The following NABP1 variants were observed in gnomAD, a reference collection of about 807,000 sequenced individuals.
The protein encoded by NABP1 is nucleic acid binding protein 1, also known as SOSS complex subunit B2.
In NABP1, 18 loss-of-function variants were observed where a neutral mutation model predicts 25.0. That is an observed-to-expected ratio of 0.72 (90% CI 0.50 to 1.07). The LOEUF (loss-of-function observed/expected upper bound fraction) is 1.07. NABP1 is among the 50% of genes least tolerant of loss of function. The pLI, the probability that NABP1 is intolerant of heterozygous loss-of-function variation, is 0.00. For synonymous variants in NABP1, 71 were observed against 85.0 expected, an observed-to-expected ratio of 0.84 and a Z score of 0.91; for missense variants, 270 against 255.6, an observed-to-expected ratio of 1.06 and a Z score of -0.39.
At chr2:191,679,534 G>A (rs546507521) in intron 2 of NABP1, among the ~76,000 whole-genome samples, 3 of 152,208 alleles carry the variant, frequency 2.0e-5, no homozygotes, top group East Asian at 1.9e-4. Flanking sequence ...GTGCCACCAC[G>A]CCCAGCTAAG....
intron 1 of NABP1, 100 bp downstream of exon 1, chr2:191,678,805 C>G (rs76328610): frequency 9.1e-6 from 11 of 1,208,222 alleles, no homozygotes; most frequent in East Asian, 4.7e-5. Flanking sequence ...CTCCTCCTCC[C>G]TCCCCTCCCC....
In NABP1 at chr2:191,685,813, C is replaced by T. The variant is rs776601448; in HGVS notation, c.*45C>T. 1.3e-6 allele frequency: 2 copies of T among 1,553,480 alleles called. No homozygotes were observed. ...TGTAGTTTTTATACTACATGCCCTA[C>T]TTGAACACTTATTGCACTTTTATTT... On this transcript the variant is annotated 3_prime_UTR_variant, in exon 6 of 6. Coordinates refer to ENST00000425611, the MANE Select transcript of NABP1 (RefSeq NM_001031716.5).
At position 191,685,832 on chromosome 2, in the gene NABP1, T is replaced by C; in HGVS notation, c.*64T>C. On this transcript the variant is annotated 3_prime_UTR_variant, in exon 6 of 6. Coordinates refer to ENST00000425611, the MANE Select transcript of NABP1 (RefSeq NM_001031716.5). ...GCCCTACTTGAACACTTATTGCACT[T>C]TTATTTATTGTTAACTGTGAAAAGT... 6.8e-7 allele frequency: 1 copy of C among 1,464,254 alleles called. No homozygotes were observed. Among genetic ancestry groups the C allele is most frequent in the Admixed American group, 1.9e-5 (1 of 51,432 alleles). 90.7% of individuals were successfully genotyped at this position (1,464,254 alleles called of 1,614,324 possible).
At position 191,683,576 on chromosome 2, in the gene NABP1, T is replaced by C. The variant is rs1468936227; in HGVS notation, c.303-153T>C. On this transcript the variant is annotated intron_variant, in intron 3 of 5. Coordinates refer to ENST00000425611, the MANE Select transcript of NABP1 (RefSeq NM_001031716.5). The surrounding 1 kb of genome is among the most constrained non-coding windows in gnomAD (Gnocchi z 4.1). ...TTTGATGTTTTATGGGACATAATCA[T>C]TTGGGAAGTTTTTGTTGTAAATGAA... 1 of 605,328 alleles carries C rather than the reference T, an allele frequency of 1.7e-6. No homozygotes were observed. Among genetic ancestry groups the C allele is most frequent in the Non-Finnish European group, 2.9e-6 (1 of 346,368 alleles). The allele number at this position is 605,328 out of a possible 1,614,324, so 37.5% of individuals were successfully genotyped here.
Position 191,685,922 on chromosome 2 carries a change from C to A in NABP1, c.*154C>A, listed in dbSNP as rs1252078704. The A allele has an allele frequency of 1.2e-5, 8 of 669,902 alleles. No homozygotes were observed. The highest frequency in any genetic ancestry group is 1.7e-5 in the Non-Finnish European group (7 of 416,910). 41.5% of individuals were successfully genotyped at this position (669,902 alleles called of 1,614,324 possible). On this transcript the variant is annotated 3_prime_UTR_variant, in exon 6 of 6. Transcript: ENST00000425611. ...TAAGAAGAATGGTTTGTTTTTATAGCAAAACTGTTAAGCTGCTCGAGTCTC... is the reference window on the plus strand; with the variant it reads ...TAAGAAGAATGGTTTGTTTTTATAGAAAAACTGTTAAGCTGCTCGAGTCTC...
chr2:191,679,103 G>T lies in NABP1; in HGVS notation c.205G>T (p.Gly69Trp). The T allele has an allele frequency of 6.2e-7, 1 of 1,614,192 alleles. No homozygotes were observed. The highest frequency in any genetic ancestry group is 8.5e-7 in the Non-Finnish European group (1 of 1,180,014). ...WDEIGGLIQP[G>W]DIIRLTRGYA... ...TGAGATCGGAGGTCTTATACAGCCAGGGGATATTATTCGGTTGACCAGAGG... is the reference window on the plus strand; with the variant it reads ...TGAGATCGGAGGTCTTATACAGCCATGGGATATTATTCGGTTGACCAGAGG... Residue 69 changes from glycine (G) to tryptophan (W), a missense_variant, in exon 2 of 6, where the codon GGG (glycine) becomes TGG (tryptophan). Coordinates refer to ENST00000425611, the MANE Select transcript of NABP1 (RefSeq NM_001031716.5).
chr2:191,685,706 A>AT lies in NABP1; in HGVS notation c.553_554insT (p.Asn185IlefsTer10). On this transcript the variant is annotated frameshift_variant, in exon 6 of 6. Coordinates refer to ENST00000425611, the MANE Select transcript of NABP1 (RefSeq NM_001031716.5). LOFTEE classifies it high-confidence loss of function. ...TCCACAACTACAAGGAACAGCTAGT[A>AT]ATCAAACAGTGATGACCACAATAAG... The AT allele has an allele frequency of 6.2e-7, 1 of 1,614,164 alleles. No homozygotes were observed. Among genetic ancestry groups the AT allele is most frequent in the Non-Finnish European group, 8.5e-7 (1 of 1,179,994 alleles).
At chr2:191,682,051 A>G (rs375271534) in intron 3 of NABP1, 34 bp downstream of exon 3, 3 of 1,208,388 alleles carry the variant, frequency 2.5e-6, no homozygotes, top group African/African-American at 3.2e-5. Flanking sequence ...ATAATTGCAT[A>G]TATTATAAAT....
rs1687833110 is a variant in NABP1 at position 191,686,722 on chromosome 2, G to C, written c.*954G>C. 2 of 152,412 alleles carry C rather than the reference G, an allele frequency of 1.3e-5. No individual in the cohort carries two copies. Among genetic ancestry groups the C allele is most frequent in the African/African-American group, 4.8e-5 (2 of 41,436 alleles). The allele number at this position is 152,412 out of a possible 1,614,324, so 9.4% of individuals were successfully genotyped here. ...AGGAGTGAGTGTGCATGTTGTCAAAGTTTCTGAACACAGTTCACATAGCCT... is the reference window on the plus strand; with the variant it reads ...AGGAGTGAGTGTGCATGTTGTCAAACTTTCTGAACACAGTTCACATAGCCT... On this transcript the variant is annotated 3_prime_UTR_variant, in exon 6 of 6. Coordinates refer to ENST00000425611, the MANE Select transcript of NABP1 (RefSeq NM_001031716.5).
intron 3 of NABP1, chr2:191,682,343 T>C (rs1687709106): frequency 2.8e-6 from 1 of 356,014 alleles, no homozygotes; most frequent in Non-Finnish European, 5.5e-6. Context: ...GATTCTCTTT[T>C]GTAGTGATTC....
intron 2 of NABP1, 62 bp from the exon 3 acceptor site, chr2:191,681,884 C>G (rs1470717073): frequency 3.5e-6 from 4 of 1,147,090 alleles, no homozygotes; most frequent in Non-Finnish European, 4.7e-6. Flanking sequence ...TGAAGATTTA[C>G]TTGATTTAAA....
rs530687018 is a variant in NABP1 at position 191,682,070 on chromosome 2, C to T, written c.302+53C>T. ...TTGCATATATTATAAATAATATCTA[C>T]GGAATGATTGGTAGGTATGAATTGT... On this transcript the variant is annotated intron_variant, in intron 3 of 5. Transcript: ENST00000425611. The T allele has an allele frequency of 6.5e-5, 72 of 1,103,912 alleles. No homozygotes were observed. The South Asian group carries it at 7.5e-4, about 12-fold the overall frequency. The allele number at this position is 1,103,912 out of a possible 1,614,324, so 68.4% of individuals were successfully genotyped here. A position where few individuals can be genotyped will look rare whatever the true frequency, so the allele number is the denominator to read the frequency against.
chr2:191,679,026 G>C lies in NABP1; in HGVS notation c.128G>C (p.Arg43Thr), dbSNP rs1340438117. The C allele has an allele frequency of 1.9e-6, 3 of 1,614,226 alleles. No individual in the cohort carries two copies. Among genetic ancestry groups the C allele is most frequent in the Non-Finnish European group, 2.5e-6 (3 of 1,180,038 alleles). Residue 43 changes from arginine (R) to threonine (T), a missense_variant, in exon 2 of 6, where the codon AGA becomes ACA. Transcript: ENST00000425611. ...AAAACCAAAGACGGCCATGAAGTGA[G>C]ATCGTGCAAAGTAGCAGATAAAACG... ...VTKTKDGHEV[R>T]SCKVADKTGS... is the part of the protein sequence containing the mutation.
At chr2:191,684,332 G>T in intron 5 of NABP1, 36 bp downstream of exon 5, 1 of 1,409,642 alleles carries the variant, frequency 7.1e-7, no homozygotes, top group Non-Finnish European at 9.5e-7. Flanking sequence ...TTGTGATCAG[G>T]TATAAGAATG....
At chr2:191,684,848 G>A (rs1687775734) in intron 5 of NABP1, 2 of 152,476 alleles carry the variant, frequency 1.3e-5, no homozygotes, top group South Asian at 2.1e-4. Flanking sequence ...GATGGCTCAT[G>A]TTTTGGTTTT....
intron 3 of NABP1, chr2:191,682,513 C>T (rs777925523): frequency 2.5e-5 from 12 of 470,938 alleles, no homozygotes; most frequent in South Asian, 1.1e-4. Flanking sequence ...TGCAGGCAGC[C>T]GCAATGCGAG....
chr2:191,684,133 C>T lies in NABP1; in HGVS notation c.379-97C>T, dbSNP rs976318377. On this transcript the variant is annotated intron_variant, in intron 4 of 5. Transcript: ENST00000425611. ...TGTTAATTAAAAAAAAAAAAAAAGC[C>T]AAACCCAAAACTTTAAAAAAGAAAG... 2.6e-5 allele frequency: 18 copies of T among 703,196 alleles called. No homozygotes were observed. In the East Asian group the frequency reaches 5.9e-4, roughly 23 times the overall value. 43.6% of individuals were successfully genotyped at this position (703,196 alleles called of 1,614,324 possible).
chr2:191,679,341 C>G (rs1687606329), intron 2 of NABP1, among the ~76,000 whole-genome samples: 1 of 152,098 alleles, frequency 6.6e-6, no homozygotes, highest in African/African-American at 2.4e-5. Flanking sequence ...CTGGGAAATC[C>G]GCGCCTCTAC....
At chr2:191,681,355 G>A (rs530839782) in intron 2 of NABP1, among the ~76,000 whole-genome samples, 10 of 152,068 alleles carry the variant, frequency 6.6e-5, no homozygotes, top group Admixed American at 5.2e-4. Context: ...AAAATTGTTC[G>A]GAGTAAACAT....
Sources: allele counts gnomAD v4.1 joint callset (sites outside exome capture counted in the v4.1 genomes callset), GRCh38; gene constraint gnomAD v4.1.1; non-coding constraint Gnocchi (gnomAD v3.1); transcripts MANE v1.5; gene names NCBI Gene and HGNC (gene_info 2026-07-23, HGNC 2026-07-21).